RANBP2: variants seen among roughly 807,000 people sequenced by gnomAD.
The protein encoded by RANBP2 is E3 SUMO-protein ligase RanBP2.
Under a neutral mutation model 303.6 loss-of-function variants are expected in RANBP2, and 57 were observed. The ratio of observed to expected loss-of-function variants is 0.19; its 90% CI spans 0.15 to 0.23. The LOEUF is 0.23. Among genes scored for constraint, RANBP2 ranks in the 10% least tolerant of loss-of-function variants. RANBP2 has a pLI of 1.00. For synonymous variants in RANBP2, 1,167 were observed against 1,301.5 expected (o/e 0.90, Z 2.23); for missense variants, 3,138 against 3,780.8 (o/e 0.83, Z 4.46).
the RANBP2 span, chr2:109,347,741 A>C: frequency 6.2e-7 from 1 of 1,613,850 alleles, no homozygotes; most frequent in South Asian, 1.1e-5. Context: ...GGTGACCTCA[A>C]GTTCAACAAG....
chr2:109,711,224 C>G, the RANBP2 span, among the ~76,000 whole-genome samples: 1 of 152,082 alleles, frequency 6.6e-6, no homozygotes, highest in Non-Finnish European at 1.5e-5. Flanking sequence ...CGTCCCTATG[C>G]CCAGTAACTT....
intron 2 of RANBP2, among the ~76,000 whole-genome samples, chr2:108,729,717 CTT>C (rs34977300): frequency 0.33 from 44,475 of 134,948 alleles, 8,284 homozygotes; most frequent in African/African-American, 0.55. Context: ...GGGAGTCAGG[CTT>C]TTTTTTTTTT....
At chr2:109,574,217 T>G in the RANBP2 span, among the ~76,000 whole-genome samples, 1 of 151,024 alleles carries the variant, frequency 6.6e-6, no homozygotes, top group Non-Finnish European at 1.5e-5. Flanking sequence ...GGAAGGAAAA[T>G]CACTTAAGTC....
At chr2:109,230,123 C>T in the RANBP2 span, among the ~76,000 whole-genome samples, 7 of 151,936 alleles carry the variant, frequency 4.6e-5, no homozygotes, top group Non-Finnish European at 7.4e-5. Flanking sequence ...CGCACCTGGC[C>T]GATTTTTTTT....
chr2:109,166,342 T>A, the RANBP2 span, among the ~76,000 whole-genome samples: 2 of 151,012 alleles, frequency 1.3e-5, no homozygotes, highest in African/African-American at 4.9e-5. Context: ...CCGAGTGTGG[T>A]GGTGTGTGCC....
the RANBP2 span, chr2:109,667,934 T>C: frequency 5.2e-6 from 1 of 193,870 alleles, no homozygotes; most frequent in Non-Finnish European, 1.1e-5. Context: ...GAAGCTCTTC[T>C]GAATTCAGGG....
the RANBP2 span, chr2:109,614,907 C>A: frequency 6.9e-7 from 1 of 1,451,022 alleles, no homozygotes; most frequent in Non-Finnish European, 9.0e-7. Flanking sequence ...GGGAGAGCCC[C>A]CCGCCCCCGC....
At chr2:109,387,905 T>C in the RANBP2 span, among the ~76,000 whole-genome samples, 16 of 151,752 alleles carry the variant, frequency 1.1e-4, no homozygotes, top group Non-Finnish European at 2.4e-4. Context: ...ACACGGCCCT[T>C]CCTGACTCGT....
At chr2:109,029,705 C>A in the RANBP2 span, among the ~76,000 whole-genome samples, 3 of 152,190 alleles carry the variant, frequency 2.0e-5, no homozygotes. Context: ...GTTCCCCTCT[C>A]CTTTCCTGGC....
At chr2:108,940,019 A>T in the RANBP2 span, among the ~76,000 whole-genome samples, 2 of 152,374 alleles carry the variant, frequency 1.3e-5, no homozygotes, top group South Asian at 4.1e-4. Context: ...TCATTGAAAG[A>T]CACGCTACTA....
chr2:109,212,211 T>C, the RANBP2 span, among the ~76,000 whole-genome samples: 13 of 152,250 alleles, frequency 8.5e-5, no homozygotes, highest in Non-Finnish European at 1.2e-4. Context: ...TGATCTGGGA[T>C]TTTCTTCCTC....
the RANBP2 span, among the ~76,000 whole-genome samples, chr2:109,473,147 T>A: frequency 3.9e-5 from 6 of 152,210 alleles, no homozygotes; most frequent in African/African-American, 7.2e-5. Flanking sequence ...TTAACTCAAG[T>A]TAACTCTTGC....
chr2:109,724,272 A>G, the RANBP2 span, among the ~76,000 whole-genome samples: 5 of 152,140 alleles, frequency 3.3e-5, no homozygotes, highest in African/African-American at 1.2e-4. Context: ...GTTCCATATG[A>G]ATCTTAAAAT....
At chr2:109,625,171 T>C in the RANBP2 span, among the ~76,000 whole-genome samples, 1 of 149,278 alleles carries the variant, frequency 6.7e-6, no homozygotes, top group African/African-American at 2.5e-5. Context: ...TCCTACTAAA[T>C]TGGAATCTGC....
the RANBP2 span, among the ~76,000 whole-genome samples, chr2:109,657,538 G>T: frequency 6.6e-6 from 1 of 151,426 alleles, no homozygotes; most frequent in Non-Finnish European, 1.5e-5. Context: ...TTCTCATAGA[G>T]AGAAAATTAT....
At chr2:109,655,505 C>T in the RANBP2 span, among the ~76,000 whole-genome samples, 5 of 152,096 alleles carry the variant, frequency 3.3e-5, no homozygotes, top group Non-Finnish European at 7.4e-5. Flanking sequence ...GGGAGGGGAG[C>T]AAACTTGGAG....
chr2:109,083,016 C>T, the RANBP2 span, among the ~76,000 whole-genome samples: 5 of 151,236 alleles, frequency 3.3e-5, no homozygotes, highest in Middle Eastern at 3.2e-3. Context: ...TTAGTAGAGA[C>T]GGGGTTTCGC....
At chr2:108,966,150 AG>A in the RANBP2 span, among the ~76,000 whole-genome samples, 1 of 152,154 alleles carries the variant, frequency 6.6e-6, no homozygotes, top group African/African-American at 2.4e-5. Context: ...CCAACTTTGA[AG>A]CAAGCCTCTC....
chr2:109,590,556 C>G, the RANBP2 span, among the ~76,000 whole-genome samples: 1 of 152,008 alleles, frequency 6.6e-6, no homozygotes, highest in Non-Finnish European at 1.5e-5. Context: ...CTCAGCCTCT[C>G]GAGCAGCTAG....
Sources: allele counts gnomAD v4.1 joint callset (sites outside exome capture counted in the v4.1 genomes callset), GRCh38; gene constraint gnomAD v4.1.1; transcripts MANE v1.5; gene names NCBI Gene and HGNC (gene_info 2026-07-23, HGNC 2026-07-21).